The following OR51A7 variants were observed in gnomAD, a reference collection of about 807,000 sequenced individuals.
OR51A7 encodes the protein olfactory receptor family 51 subfamily A member 7, also known as olfactory receptor 51A7.
For synonymous variants in OR51A7, 143 were observed against 135.5 expected, an observed-to-expected ratio of 1.05 and a Z score of -0.38; for missense variants, 409 against 374.5, an observed-to-expected ratio of 1.09 and a Z score of -0.76.
intron 1 of OR51A7, among the ~76,000 whole-genome samples, chr11:4,905,214 C>A (rs1564803851): frequency 6.6e-6 from 1 of 152,082 alleles, no homozygotes; most frequent in African/African-American, 2.4e-5. Flanking sequence ...ATCTCACAAT[C>A]TGCTACCGTC....
rs3065178 is a variant in OR51A7, at chr11:4,907,095, T to TAAAAAAAAAAAAAAA, written c.-31-238_-31-224dup. On this transcript the variant is annotated intron_variant, in intron 1 of 1. Coordinates refer to ENST00000641490, the MANE Select transcript of OR51A7 (RefSeq NM_001004749.2). ...TGGGCAACAAGAGCAAAACTCCCTC[T>TAAAAAAAAAAAAAAA]AAAAAAAAAAAAAAAAAAAATCCTA... is the stretch of plus-strand genomic sequence containing the variant. Among the ~76,000 whole-genome samples, 162 of 55,056 alleles carry TAAAAAAAAAAAAAAA rather than the reference T, an allele frequency of 2.9e-3. 8 individuals are homozygous for TAAAAAAAAAAAAAAA. Among genetic ancestry groups the TAAAAAAAAAAAAAAA allele is most frequent in the African/African-American group, 7.8e-3 (119 of 15,240 alleles). 36.1% of individuals were successfully genotyped at this position (55,056 alleles called of 152,430 possible). A position where few individuals can be genotyped will look rare whatever the true frequency, so the allele number is the denominator to read the frequency against.
chr11:4,908,074 G>A lies in OR51A7; in HGVS notation c.705G>A (p.Lys235=). ...TTGCATCTTTGGCAGAGAGGCTTAA[G>A]GCCCTAAATACCTGTGTCTCCCACA... ...LSIASLAERL[K]ALNTCVSHIC... Residue 235 remains lysine (K), a synonymous_variant, in exon 2 of 2, where the codon AAG becomes AAA. Transcript: ENST00000641490. 1 of 1,614,166 alleles carries A rather than the reference G, an allele frequency of 6.2e-7. No individual in the cohort carries two copies. The highest frequency in any genetic ancestry group is 1.1e-5 in the South Asian group (1 of 91,090).
rs1267218341 is a variant in OR51A7, at chr11:4,908,216, C to A, written c.847C>A (p.Pro283Thr). 3 of 1,614,004 alleles carry A rather than the reference C, an allele frequency of 1.9e-6. No individual in the cohort carries two copies. Among genetic ancestry groups the A allele is most frequent in the African/African-American group, 1.3e-5 (1 of 74,908 alleles). Residue 283 changes from proline (P) to threonine (T), a missense_variant, in exon 2 of 2, where the codon CCG (proline) becomes ACG (threonine). Physicochemically the swap from Pro to Thr is conservative, Grantham distance 38. Transcript: ENST00000641490. Reference protein sequence around the residue: ...ILIADMFLLVPPLMNPIVYCV... With the variant: ...ILIADMFLLVTPLMNPIVYCV... ...TATTGCAGATATGTTCTTGTTGGTG[C>A]CGCCCCTTATGAACCCCATTGTGTA...
chr11:4,908,194 T>A lies in OR51A7; in HGVS notation c.825T>A (p.Ile275=). 6.2e-7 allele frequency: 1 copy of A among 1,614,214 alleles called. No individual in the cohort carries two copies. Among genetic ancestry groups the A allele is most frequent in the Non-Finnish European group, 8.5e-7 (1 of 1,180,032 alleles). Residue 275 remains isoleucine (I), a synonymous_variant, in exon 2 of 2, where the codon ATT becomes ATA. Transcript: ENST00000641490. The stretch of plus-strand genomic sequence containing the variant: ...AAAGCCCTCTTGTTGTGATCCTTAT[T>A]GCAGATATGTTCTTGTTGGTGCCGC... The part of the protein sequence containing the change: ...KHKSPLVVIL[I]ADMFLLVPPL...
chr11:4,903,946 C>T (rs564842135), intron 1 of OR51A7, 102 bp downstream of exon 1: 32 of 152,128 alleles, frequency 2.1e-4, no homozygotes, highest in African/African-American at 2.6e-4. Context: ...TATGCCCTGA[C>T]GGTTAAACAA....
chr11:4,906,654 A>C (rs1403658523), intron 1 of OR51A7, among the ~76,000 whole-genome samples: 4 of 152,228 alleles, frequency 2.6e-5, no homozygotes, highest in African/African-American at 9.6e-5. Flanking sequence ...AACTTTCTAC[A>C]TAAAGCTCAG....
At position 4,907,051 on chromosome 11, in the gene OR51A7, G is replaced by A. The variant is rs192530962; in HGVS notation, c.-31-288G>A. Among the ~76,000 whole-genome samples the A allele has an allele frequency of 3.1e-3, 387 of 125,704 alleles. 3 individuals carry two copies. Among genetic ancestry groups the A allele is most frequent in the African/African-American group, 0.011 (370 of 33,360 alleles). The allele number at this position is 125,704 out of a possible 152,430, so 82.5% of individuals were successfully genotyped here. A position where few individuals can be genotyped will look rare whatever the true frequency, so the allele number is the denominator to read the frequency against. On this transcript the variant is annotated intron_variant, in intron 1 of 1. Coordinates refer to ENST00000641490, the MANE Select transcript of OR51A7 (RefSeq NM_001004749.2). ...GTGGAGGTTGCAGCAAGCTGAGATC[G>A]CACCATTGCACTCCAGCCTGGGCAA... is the stretch of plus-strand genomic sequence containing the variant.
intron 1 of OR51A7, among the ~76,000 whole-genome samples, chr11:4,905,467 A>T (rs1564803895): frequency 6.6e-6 from 1 of 152,158 alleles, no homozygotes; most frequent in Non-Finnish European, 1.5e-5. Context: ...ATGAATTCAC[A>T]GTTAAGCTTC....
Position 4,907,329 on chromosome 11 carries a change from A to T in OR51A7, c.-31-10A>T, listed in dbSNP as rs367579428. On this transcript the variant is annotated splice_polypyrimidine_tract_variant and intron_variant, in intron 1 of 1. Coordinates refer to ENST00000641490, the MANE Select transcript of OR51A7 (RefSeq NM_001004749.2). ...AAAAGCATGACTGCTTTTCATTTAT[A>T]TGGTTTCAGATCCGGCTAACGAGCT... 7.4e-7 allele frequency: 1 copy of T among 1,358,082 alleles called. No homozygotes were observed. Among genetic ancestry groups the T allele is most frequent in the East Asian group, 2.3e-5 (1 of 43,020 alleles). 84.1% of individuals were successfully genotyped at this position (1,358,082 alleles called of 1,614,324 possible).
chr11:4,905,602 C>T (rs1850874177), intron 1 of OR51A7, among the ~76,000 whole-genome samples: 1 of 152,088 alleles, frequency 6.6e-6, no homozygotes, highest in East Asian at 1.9e-4. Context: ...CTTCTTCTCT[C>T]TAGCCTTCCA....
rs528459824 is a variant in OR51A7, at chr11:4,907,082, G to C, written c.-31-257G>C. Among the ~76,000 whole-genome samples, 16 of 28,110 alleles carry C rather than the reference G, an allele frequency of 5.7e-4. No homozygotes were observed. The Admixed American group carries it at 6.1e-3, about 11-fold the overall frequency. The allele number at this position is 28,110 out of a possible 152,430, so 18.4% of individuals were successfully genotyped here. A position where few individuals can be genotyped will look rare whatever the true frequency, so the allele number is the denominator to read the frequency against. On this transcript the variant is annotated intron_variant, in intron 1 of 1. Coordinates refer to ENST00000641490, the MANE Select transcript of OR51A7 (RefSeq NM_001004749.2). ...TTGCACTCCAGCCTGGGCAACAAGA[G>C]CAAAACTCCCTCTAAAAAAAAAAAA...
At position 4,908,776 on chromosome 11, in the gene OR51A7, A is replaced by AT. The variant is rs1195920227; in HGVS notation, c.*472dup. The AT allele has an allele frequency of 6.2e-6, 1 of 160,738 alleles. No homozygotes were observed. The highest frequency in any genetic ancestry group is 1.4e-5 in the Non-Finnish European group (1 of 73,738). The allele number at this position is 160,738 out of a possible 1,614,324, so 10.0% of individuals were successfully genotyped here. A position where few individuals can be genotyped will look rare whatever the true frequency, so the allele number is the denominator to read the frequency against. The stretch of plus-strand genomic sequence containing the variant: ...ATTTTGGATAAAATAAGTGAACCAG[A>AT]TTTTGGAGCACCTAAAAAAAGCTTT... On this transcript the variant is annotated 3_prime_UTR_variant, in exon 2 of 2. Transcript: ENST00000641490.
chr11:4,908,256 G>A lies in OR51A7; in HGVS notation c.887G>A (p.Arg296Gln), dbSNP rs148854854. ...CCCATTGTGTACTGTGTAAAGACTC[G>A]ACAAATCTGGGAGAAGATCTTGGGG... ...MNPIVYCVKT[R>Q]QIWEKILGKL... The change falls in exon 2 of 2, where the codon CGA becomes CAA. Residue 296 changes from arginine to glutamine, a missense_variant. Coordinates refer to ENST00000641490, the MANE Select transcript of OR51A7 (RefSeq NM_001004749.2). 58 of 1,613,966 alleles carry A rather than the reference G, an allele frequency of 3.6e-5. No homozygotes were observed. Among genetic ancestry groups the A allele is most frequent in the South Asian group, 6.6e-5 (6 of 91,066 alleles).
chr11:4,908,799 T>C lies in OR51A7; in HGVS notation c.*491T>C, dbSNP rs1325149553. 6.2e-6 allele frequency: 1 copy of C among 162,546 alleles called. No homozygotes were observed. Among genetic ancestry groups the C allele is most frequent in the Non-Finnish European group, 1.4e-5 (1 of 74,024 alleles). 10.1% of individuals were successfully genotyped at this position (162,546 alleles called of 1,614,324 possible). A position where few individuals can be genotyped will look rare whatever the true frequency, so the allele number is the denominator to read the frequency against. On this transcript the variant is annotated 3_prime_UTR_variant, in exon 2 of 2. Transcript: ENST00000641490. The stretch of plus-strand genomic sequence containing the variant: ...AGATTTTGGAGCACCTAAAAAAAGC[T>C]TTGAAAAGTCTAAATTCAGGAGGTG...
At chr11:4,906,546 T>A (rs1850891983) in intron 1 of OR51A7, among the ~76,000 whole-genome samples, 1 of 152,198 alleles carries the variant, frequency 6.6e-6, no homozygotes, top group Non-Finnish European at 1.5e-5. Context: ...AAGAGGTAAA[T>A]TAGTCTATAA....
intron 1 of OR51A7, among the ~76,000 whole-genome samples, chr11:4,906,769 G>A (rs1328054817): frequency 6.6e-6 from 1 of 152,102 alleles, no homozygotes. Context: ...GCTCCATTTT[G>A]ATATGTTTTA....
rs1850951559 is a variant in OR51A7 at position 4,909,101 on chromosome 11, CT to C, written c.*794del. ...TAATTTTAAACCCCCTATGGTTTTGCTGTTTAGTTTTTTTCTGTGATTTAGT... is the reference window on the plus strand; with the variant it reads ...TAATTTTAAACCCCCTATGGTTTTGCGTTTAGTTTTTTTCTGTGATTTAGT... On this transcript the variant is annotated 3_prime_UTR_variant, in exon 2 of 2. Coordinates refer to ENST00000641490, the MANE Select transcript of OR51A7 (RefSeq NM_001004749.2). The C allele has an allele frequency of 6.6e-6, 1 of 151,924 alleles. No individual in the cohort carries two copies. Among genetic ancestry groups the C allele is most frequent in the Admixed American group, 6.6e-5 (1 of 15,236 alleles). The allele number at this position is 151,924 out of a possible 1,614,324, so 9.4% of individuals were successfully genotyped here. A position where few individuals can be genotyped will look rare whatever the true frequency, so the allele number is the denominator to read the frequency against.
At position 4,907,351 on chromosome 11, in the gene OR51A7, A is replaced by C; in HGVS notation, c.-19A>C. ...TATATGGTTTCAGATCCGGCTAACG[A>C]GCTCATATCTCCCTCATTATGTCTG... On this transcript the variant is annotated 5_prime_UTR_variant, in exon 2 of 2. Coordinates refer to ENST00000641490, the MANE Select transcript of OR51A7 (RefSeq NM_001004749.2). The C allele has an allele frequency of 6.9e-6, 10 of 1,441,288 alleles. No individual in the cohort carries two copies. The highest frequency in any genetic ancestry group is 1.9e-4 in the Middle Eastern group (1 of 5,266). 89.3% of individuals were successfully genotyped at this position (1,441,288 alleles called of 1,614,324 possible). A position where few individuals can be genotyped will look rare whatever the true frequency, so the allele number is the denominator to read the frequency against.
intron 1 of OR51A7, among the ~76,000 whole-genome samples, chr11:4,905,616 G>T (rs1358734589): frequency 6.6e-6 from 1 of 151,868 alleles, no homozygotes; most frequent in Non-Finnish European, 1.5e-5. Flanking sequence ...CCTTCCATTG[G>T]CTCTACCTTC....
Sources: gnomAD v4.1 joint callset for allele counts (sites outside exome capture counted in the v4.1 genomes callset) on GRCh38, gnomAD v4.1.1 for gene constraint, MANE v1.5 for transcripts, NCBI Gene and HGNC (gene_info 2026-07-23, HGNC 2026-07-21) for gene names.